Variants in FTO observed in about 807,000 individuals in gnomAD.
FTO encodes FTO alpha-ketoglutarate dependent dioxygenase, also known as alpha-ketoglutarate-dependent dioxygenase FTO.
Under a neutral mutation model 63.9 loss-of-function variants are expected in FTO, and 47 were observed. The observed-to-expected ratio is 0.74, with a 90% CI of 0.58 to 0.94. The LOEUF is 0.94. FTO is among the 40% of genes least tolerant of loss of function. The pLI is 0.00. For missense variants in FTO, 562 were observed against 618.1 expected (o/e 0.91, Z 0.96); for synonymous variants, 207 against 224.4 (o/e 0.92, Z 0.69).
intron 8 of FTO, among the ~76,000 whole-genome samples, chr16:54,105,621 C>T (rs1220554306): frequency 2.0e-5 from 3 of 152,166 alleles, no homozygotes; most frequent in Non-Finnish European, 2.9e-5. Context: ...TGACATTATT[C>T]GGGACATTTA....
At chr16:53,872,537 A>C (rs2080530423) in intron 4 of FTO, among the ~76,000 whole-genome samples, 1 of 152,080 alleles carries the variant, frequency 6.6e-6, no homozygotes. Context: ...GGCATCTCTC[A>C]CCTATTTTGT....
chr16:54,110,612 A>G (rs745743074), intron 8 of FTO, among the ~76,000 whole-genome samples: 26 of 152,256 alleles, frequency 1.7e-4, no homozygotes, highest in Non-Finnish European at 2.5e-4. Flanking sequence ...TCTTTCAGTT[A>G]GGAACCCTCT....
Position 53,733,456 on chromosome 16 carries a change from C to T in FTO, c.45+29227C>T, listed in dbSNP as rs189101697. ...GAAGATGAGCTGAATACAGGGCGACCTGTACAGTTGATAGGCTCTGAGGAG... is the reference window on the plus strand; with the variant it reads ...GAAGATGAGCTGAATACAGGGCGACTTGTACAGTTGATAGGCTCTGAGGAG... On this transcript the variant is annotated intron_variant, in intron 1 of 8. Coordinates refer to ENST00000471389, the MANE Select transcript of FTO (RefSeq NM_001080432.3). 3.0e-3 allele frequency among the ~76,000 whole-genome samples: 451 copies of T among 152,098 alleles called. 1 individual carries two copies. Among genetic ancestry groups the T allele is most frequent in the African/African-American group, 0.01 (430 of 41,510 alleles).
At chr16:53,722,843 T>A (rs1024194233) in intron 1 of FTO, among the ~76,000 whole-genome samples, 80 of 148,040 alleles carry the variant, frequency 5.4e-4, no homozygotes, top group African/African-American at 1.8e-3. Flanking sequence ...AAAAAAAAAA[T>A]GTTTTGTGTA....
intron 1 of FTO, among the ~76,000 whole-genome samples, chr16:53,758,526 A>G (rs2076976475): frequency 1.3e-5 from 2 of 152,194 alleles, no homozygotes; most frequent in Admixed American, 1.3e-4. Context: ...ATCTTAAAAG[A>G]CGGCCAGGTT....
intron 3 of FTO, among the ~76,000 whole-genome samples, chr16:53,831,318 T>C (rs1419795034): frequency 6.6e-6 from 1 of 152,184 alleles, no homozygotes; most frequent in Non-Finnish European, 1.5e-5. Flanking sequence ...TTGTCAGTGA[T>C]TTTTGAAATC....
At chr16:53,813,064 G>C (rs1028699711) in intron 2 of FTO, among the ~76,000 whole-genome samples, 9 of 152,106 alleles carry the variant, frequency 5.9e-5, no homozygotes, top group Non-Finnish European at 1.3e-4. Context: ...TCAGCCCACT[G>C]TGCTCTGAAC....
intron 1 of FTO, among the ~76,000 whole-genome samples, chr16:53,794,543 A>C (rs2078010899): frequency 6.6e-6 from 1 of 152,228 alleles, no homozygotes; most frequent in African/African-American, 2.4e-5. Context: ...CTCACTGCTT[A>C]AAGCCAGGGG....
At position 54,115,509 on chromosome 16, in the gene FTO, T is replaced by A. The variant is rs1212766631; in HGVS notation, c.*3594T>A. 6.6e-6 allele frequency: 1 copy of A among 151,828 alleles called. No homozygotes were observed. The highest frequency in any genetic ancestry group is 1.5e-5 in the Non-Finnish European group (1 of 68,008). The allele number at this position is 151,828 out of a possible 1,614,324, so 9.4% of individuals were successfully genotyped here. A position where few individuals can be genotyped will look rare whatever the true frequency, so the allele number is the denominator to read the frequency against. On this transcript the variant is annotated 3_prime_UTR_variant, in exon 9 of 9. Transcript: ENST00000471389. ...CAACTGGGAGAGGGACAAGAGGAGA[T>A]GGTGACTGACCAAGGGGACCTTGAT...
intron 1 of FTO, among the ~76,000 whole-genome samples, chr16:53,758,480 G>A (rs187931496): frequency 6.6e-6 from 1 of 152,252 alleles, no homozygotes; most frequent in East Asian, 1.9e-4. Context: ...AAGCTGACCA[G>A]CCCAATAAAA....
At chr16:53,838,054 C>T (rs140175392) in intron 3 of FTO, among the ~76,000 whole-genome samples, 13 of 152,308 alleles carry the variant, frequency 8.5e-5, no homozygotes, top group Non-Finnish European at 1.0e-4. Flanking sequence ...CTAGAATGTG[C>T]CTTCCCTATG....
intron 8 of FTO, chr16:53,992,793 A>G (rs529381175): frequency 9.8e-5 from 15 of 152,334 alleles, no homozygotes; most frequent in African/African-American, 3.1e-4. Context: ...CGACATCTCT[A>G]ATCATTGACA....
intron 8 of FTO, among the ~76,000 whole-genome samples, chr16:53,980,552 C>T (rs575013211): frequency 2.0e-5 from 3 of 152,284 alleles, no homozygotes; most frequent in South Asian, 4.1e-4. Flanking sequence ...GCTGAAAAGG[C>T]GGCTGAGGCC....
intron 8 of FTO, 133 bp from the exon 9 acceptor site, chr16:54,111,629 C>A: frequency 1.1e-6 from 1 of 906,468 alleles, no homozygotes; most frequent in Non-Finnish European, 1.8e-6. Context: ...TAGATTCATT[C>A]AGTCGTCACC....
At chr16:53,705,863 T>C (rs907352052) in intron 1 of FTO, among the ~76,000 whole-genome samples, 29 of 152,212 alleles carry the variant, frequency 1.9e-4, no homozygotes, top group African/African-American at 7.0e-4. Context: ...TTGCCATAAG[T>C]TGGGATTATA....
At chr16:53,793,279 T>C (rs535212900) in intron 1 of FTO, among the ~76,000 whole-genome samples, 1 of 152,198 alleles carries the variant, frequency 6.6e-6, no homozygotes, top group Non-Finnish European at 1.5e-5. Context: ...TTATTTCTTT[T>C]TTGCTTCGCA....
chr16:53,905,254 T>G (rs569619370), intron 7 of FTO, among the ~76,000 whole-genome samples: 2 of 152,138 alleles, frequency 1.3e-5, no homozygotes, highest in Non-Finnish European at 2.9e-5. Flanking sequence ...GGTTAAGAGC[T>G]TTAGCTTTCA....
chr16:53,955,374 T>C (rs2082904971), intron 8 of FTO, among the ~76,000 whole-genome samples: 1 of 152,094 alleles, frequency 6.6e-6, no homozygotes, highest in Admixed American at 6.6e-5. Context: ...GGATGTCAGA[T>C]AATGACATGC....
intron 8 of FTO, among the ~76,000 whole-genome samples, chr16:54,023,414 ATCT>A (rs1176921142): frequency 6.6e-6 from 1 of 152,174 alleles, no homozygotes; most frequent in Non-Finnish European, 1.5e-5. Context: ...CGTTCAAATA[ATCT>A]TCTACCGTTT....
Sources: gnomAD v4.1 joint callset for allele counts (sites outside exome capture counted in the v4.1 genomes callset) on GRCh38, gnomAD v4.1.1 for gene constraint, MANE v1.5 for transcripts, NCBI Gene and HGNC (gene_info 2026-07-23, HGNC 2026-07-21) for gene names.